CENPN: variants seen among roughly 807,000 people sequenced by gnomAD.
CENPN encodes the protein interphase centromere complex protein 32.
A neutral mutation model predicts 48.6 loss-of-function variants in CENPN; 36 were observed. The observed-to-expected ratio is 0.74, with a 90% CI of 0.57 to 0.98. The LOEUF is 0.98. Ranked by LOEUF, CENPN falls within the 50% of genes least tolerant of loss-of-function variation. The pLI is 0.00. For synonymous variants in CENPN, 166 were observed against 135.2 expected, an observed-to-expected ratio of 1.23 and a Z score of -1.58; for missense variants, 439 against 399.2, an observed-to-expected ratio of 1.10 and a Z score of -0.85.
At position 81,011,435 on chromosome 16, in the gene CENPN, A is replaced by T. The variant is rs536674965; in HGVS notation, c.-10-495A>T. 5.3e-5 allele frequency among the ~76,000 whole-genome samples: 8 copies of T among 152,348 alleles called. No individual in the cohort carries two copies. In the South Asian group the frequency reaches 1.7e-3, roughly 32 times the overall value. On this transcript the variant is annotated intron_variant, in intron 1 of 10. Transcript: ENST00000305850. ...TGTCTTTTTGGCCAAAGACATATGTATCCCCAGTGCCTAGAAAAGGGCCTG... is the reference window on the plus strand; with the variant it reads ...TGTCTTTTTGGCCAAAGACATATGTTTCCCCAGTGCCTAGAAAAGGGCCTG...
At chr16:81,008,997 G>A (rs919925181) in intron 1 of CENPN, among the ~76,000 whole-genome samples, 6 of 152,174 alleles carry the variant, frequency 3.9e-5, no homozygotes, top group Admixed American at 3.9e-4. Flanking sequence ...ACTTGAGCTT[G>A]GGAGTTCAAG....
chr16:81,014,513 G>A (rs932295674), intron 3 of CENPN: 7 of 225,582 alleles, frequency 3.1e-5, no homozygotes, highest in Admixed American at 2.1e-4. Context: ...GTGAACCGCT[G>A]TACTTGTCCC....
At chr16:81,022,252 G>T in intron 6 of CENPN, 1 of 247,074 alleles carries the variant, frequency 4.0e-6, no homozygotes, top group Non-Finnish European at 8.0e-6. Flanking sequence ...GTTTTTGTAT[G>T]GCAATATCAT....
chr16:81,018,762 G>A (rs1055472980), intron 5 of CENPN, among the ~76,000 whole-genome samples: 5 of 152,166 alleles, frequency 3.3e-5, no homozygotes, highest in African/African-American at 1.2e-4. Context: ...CTTGTCTCCT[G>A]CACTGAGGGA....
chr16:81,015,473 A>T (rs1597310136), intron 3 of CENPN, among the ~76,000 whole-genome samples: 3 of 152,370 alleles, frequency 2.0e-5, no homozygotes, highest in African/African-American at 7.2e-5. Flanking sequence ...CATGTTAAAT[A>T]CTTAAAGCCT....
At chr16:81,023,108 A>G in intron 7 of CENPN, 1 of 380,982 alleles carries the variant, frequency 2.6e-6, no homozygotes. Context: ...AGGGAAAAGC[A>G]GTGGTTTTTT....
chr16:81,026,494 C>T (rs1341309981), intron 8 of CENPN, 32 bp from the exon 9 acceptor site: 8 of 1,047,570 alleles, frequency 7.6e-6, no homozygotes, highest in African/African-American at 1.6e-5. Context: ...ATATTCCTAA[C>T]GGCTGTTTTA....
rs750615190 is a variant in CENPN, at chr16:81,028,295, C to G, written c.935C>G (p.Ala312Gly). ...LLEALKSLAPAGIADAPLSPL... is the reference protein window; with the variant it reads ...LLEALKSLAPGGIADAPLSPL... The stretch of plus-strand genomic sequence containing the variant: ...GAAGCATTGAAATCCTTAGCACCAG[C>G]GGGTGAGTGGTCAGCTTACTCTATA... Residue 312 changes from alanine to glycine, a missense_variant and splice_region_variant, in exon 10 of 11, where the codon GCG becomes GGG. By Grantham distance (60) the Ala-to-Gly change is moderately conservative (BLOSUM62 0). Transcript: ENST00000305850. The G allele has an allele frequency of 1.2e-6, 2 of 1,613,988 alleles. No homozygotes were observed. Among genetic ancestry groups the G allele is most frequent in the Non-Finnish European group, 1.7e-6 (2 of 1,179,934 alleles).
At chr16:81,012,226 G>C in intron 2 of CENPN, 116 bp downstream of exon 2, 1 of 857,572 alleles carries the variant, frequency 1.2e-6, no homozygotes, top group Non-Finnish European at 1.8e-6. Context: ...CTAGTGAAGT[G>C]ATGAGGGCTA....
At chr16:81,010,209 A>C (rs1343727413) in intron 1 of CENPN, among the ~76,000 whole-genome samples, 1 of 152,222 alleles carries the variant, frequency 6.6e-6, no homozygotes. Context: ...AATGAAAAAA[A>C]TAAATAAATA....
intron 8 of CENPN, among the ~76,000 whole-genome samples, chr16:81,025,382 A>G (rs533220853): frequency 4.2e-4 from 64 of 152,242 alleles, no homozygotes; most frequent in Admixed American, 1.4e-3. Context: ...ATAAAAATTC[A>G]TAAAAAAATG....
chr16:81,018,526 T>G (rs1464142483), intron 5 of CENPN, among the ~76,000 whole-genome samples: 1 of 152,202 alleles, frequency 6.6e-6, no homozygotes, highest in East Asian at 1.9e-4. Flanking sequence ...AATAGCCACA[T>G]GTAGCTAGTA....
chr16:81,014,949 CTG>C (rs1969880294), intron 3 of CENPN, among the ~76,000 whole-genome samples: 1 of 152,098 alleles, frequency 6.6e-6, no homozygotes, highest in African/African-American at 2.4e-5. Flanking sequence ...ATAGAAGACT[CTG>C]TTGGATGATT....
At chr16:81,014,287 T>C in intron 3 of CENPN, 106 bp downstream of exon 3, 1 of 893,562 alleles carries the variant, frequency 1.1e-6, no homozygotes, top group Non-Finnish European at 1.8e-6. Flanking sequence ...CAGGCTGGAG[T>C]GCAGTAACGC....
chr16:81,011,828 C>A (rs1969751344), intron 1 of CENPN, 102 bp from the exon 2 acceptor site: 1 of 967,008 alleles, frequency 1.0e-6, no homozygotes, highest in East Asian at 2.6e-5. Context: ...TCTAGTGAGA[C>A]CCTGTCTCTA....
At chr16:81,026,395 C>T in intron 8 of CENPN, 131 bp from the exon 9 acceptor site, 1 of 422,080 alleles carries the variant, frequency 2.4e-6, no homozygotes, top group Non-Finnish European at 4.3e-6. Flanking sequence ...ATTATTACAG[C>T]CAAGAGAAGA....
intron 7 of CENPN, 70 bp downstream of exon 7, chr16:81,022,768 C>T (rs774762049): frequency 1.2e-6 from 2 of 1,613,910 alleles, no homozygotes; most frequent in East Asian, 4.5e-5. Context: ...TTAGAAGCTA[C>T]TGGGAAAATC....
chr16:81,024,759 C>G lies in CENPN; in HGVS notation c.678C>G (p.Ser226Arg). The change falls in exon 8 of 11, where the codon AGC becomes AGG. Residue 226 changes from serine to arginine, a missense_variant. Physicochemically the swap from Ser to Arg is moderately radical, Grantham distance 110 (BLOSUM62 -1). Transcript: ENST00000305850. ...CTACGACACCTCTACAGGAAAGAAG[C>G]CTTGGACTAGATATAAATAGTACGT... ...HNSTTPLQERSLGLDINMDSR... is the reference protein window; with the variant it reads ...HNSTTPLQERRLGLDINMDSR... The G allele has an allele frequency of 1.2e-6, 2 of 1,609,470 alleles. No individual in the cohort carries two copies. The highest frequency in any genetic ancestry group is 1.3e-5 in the African/African-American group (1 of 74,882).
chr16:81,016,305 G>T (rs2151683606), intron 3 of CENPN, among the ~76,000 whole-genome samples: 1 of 152,280 alleles, frequency 6.6e-6, no homozygotes, highest in Middle Eastern at 3.4e-3. Flanking sequence ...GTCTAGCCCA[G>T]TTAACATAGT....
Sources: allele counts gnomAD v4.1 joint callset (sites outside exome capture counted in the v4.1 genomes callset), GRCh38; gene constraint gnomAD v4.1.1; transcripts MANE v1.5; gene names NCBI Gene and HGNC (gene_info 2026-07-23, HGNC 2026-07-21).